The following TENM4 variants were observed in gnomAD, a reference collection of about 807,000 sequenced individuals.
The protein encoded by TENM4 is teneurin transmembrane protein 4.
In TENM4, 82 loss-of-function variants were observed where a neutral mutation model predicts 243.3. The observed-to-expected ratio is 0.34, with a 90% CI of 0.28 to 0.40. The LOEUF is 0.40. Among genes scored for constraint, TENM4 ranks in the 10% least tolerant of loss-of-function variants. TENM4 has a pLI of 1.00. For synonymous variants in TENM4, 1,412 were observed against 1,456.3 expected, an observed-to-expected ratio of 0.97 and a Z score of 0.69; for missense variants, 3,138 against 3,673.3, an observed-to-expected ratio of 0.85 and a Z score of 3.77.
intron 3 of TENM4, among the ~76,000 whole-genome samples, chr11:79,174,906 T>C (rs1386896366): frequency 2.0e-5 from 3 of 152,306 alleles, no homozygotes; most frequent in Middle Eastern, 3.4e-3. Flanking sequence ...GCTCATACTT[T>C]TAAAATAATC....
At chr11:79,291,330 C>G (rs2135381986) in intron 2 of TENM4, among the ~76,000 whole-genome samples, 1 of 152,296 alleles carries the variant, frequency 6.6e-6, no homozygotes, top group East Asian at 1.9e-4. Context: ...GCACGGTTTT[C>G]CTCTGTCCAA....
intron 6 of TENM4, among the ~76,000 whole-genome samples, chr11:78,912,454 A>G (rs113395391): frequency 0.01 from 1,535 of 152,256 alleles, 19 homozygotes; most frequent in African/African-American, 0.034. Context: ...ACTGGGTTTC[A>G]CCATGTTGGC....
At chr11:78,991,754 T>G (rs1193755860) in intron 6 of TENM4, among the ~76,000 whole-genome samples, 1 of 152,112 alleles carries the variant, frequency 6.6e-6, no homozygotes, top group Non-Finnish European at 1.5e-5. Flanking sequence ...CATGCTACTT[T>G]GGTAGGGAAT....
intron 6 of TENM4, among the ~76,000 whole-genome samples, chr11:78,988,177 C>T (rs1263719178): frequency 6.6e-6 from 1 of 152,178 alleles, no homozygotes; most frequent in African/African-American, 2.4e-5. Flanking sequence ...TGGAAGAAAC[C>T]AGCTGCCATG....
At chr11:79,144,493 G>A (rs1229264324) in intron 4 of TENM4, among the ~76,000 whole-genome samples, 5 of 152,036 alleles carry the variant, frequency 3.3e-5, no homozygotes, top group African/African-American at 9.7e-5. Context: ...GTGTATCGTG[G>A]CACTACTTAC....
intron 6 of TENM4, among the ~76,000 whole-genome samples, chr11:78,922,977 T>G (rs1856477341): frequency 2.0e-5 from 3 of 152,178 alleles, no homozygotes; most frequent in African/African-American, 7.2e-5. Flanking sequence ...CAAGCACTCC[T>G]TTCTCAAATG....
chr11:79,413,490 A>G (rs1236804659), intron 1 of TENM4, among the ~76,000 whole-genome samples: 5 of 152,222 alleles, frequency 3.3e-5, no homozygotes, highest in African/African-American at 1.2e-4. Context: ...GTCAGCAGAC[A>G]TGAGAGAGAA....
At chr11:78,711,574 A>G (rs1859397082) in intron 26 of TENM4, among the ~76,000 whole-genome samples, 1 of 152,220 alleles carries the variant, frequency 6.6e-6, no homozygotes, top group African/African-American at 2.4e-5. Flanking sequence ...ATTATTAAAC[A>G]TATTAATTTT....
chr11:78,806,835 C>A (rs1236983545), intron 14 of TENM4, among the ~76,000 whole-genome samples: 1 of 152,154 alleles, frequency 6.6e-6, no homozygotes, highest in Non-Finnish European at 1.5e-5. Flanking sequence ...AACTCTGCAC[C>A]CATTAAACAA....
intron 2 of TENM4, among the ~76,000 whole-genome samples, chr11:79,241,994 G>A (rs1486340576): frequency 6.6e-6 from 1 of 152,162 alleles, no homozygotes; most frequent in Non-Finnish European, 1.5e-5. Context: ...CAGCCATAAG[G>A]CAACCAGCCC....
chr11:79,427,985 C>T (rs1859090393), intron 1 of TENM4, among the ~76,000 whole-genome samples: 1 of 152,198 alleles, frequency 6.6e-6, no homozygotes, highest in African/African-American at 2.4e-5. Flanking sequence ...AGATTCCATT[C>T]ACTCAATGAC....
In TENM4 at chr11:79,180,784, G is replaced by T. The variant is rs537521984; in HGVS notation, c.-162-31978C>A. On this transcript the variant is annotated intron_variant, in intron 3 of 33. Coordinates refer to ENST00000278550, the MANE Select transcript of TENM4 (RefSeq NM_001098816.3). ...CCTTGAGCCTAAGAGCTCAAGACCA[G>T]CCTGGACAACAGAGTGAGACCACAT... Among the ~76,000 whole-genome samples, 4 of 151,384 alleles carry T rather than the reference G, an allele frequency of 2.6e-5. No homozygotes were observed. The South Asian group carries it at 8.4e-4, about 32-fold the overall frequency.
intron 3 of TENM4, among the ~76,000 whole-genome samples, chr11:79,189,499 G>T (rs914632613): frequency 6.6e-6 from 1 of 152,184 alleles, no homozygotes; most frequent in African/African-American, 2.4e-5. Context: ...CATACAGTAG[G>T]TGTTCATCAA....
chr11:79,399,875 T>C (rs1420994883), intron 1 of TENM4, among the ~76,000 whole-genome samples: 1 of 152,094 alleles, frequency 6.6e-6, no homozygotes, highest in East Asian at 1.9e-4. Context: ...TTAAGTGGAA[T>C]CATGTATATA....
intron 12 of TENM4, among the ~76,000 whole-genome samples, chr11:78,816,338 C>T (rs1857604197): frequency 6.6e-6 from 1 of 152,238 alleles, no homozygotes; most frequent in Admixed American, 6.5e-5. Flanking sequence ...ATGCTTTGGA[C>T]AGATCAACCT....
Position 78,848,383 on chromosome 11 carries a change from C to T in TENM4, c.1681+5721G>A, listed in dbSNP as rs372983696. 5.3e-5 allele frequency among the ~76,000 whole-genome samples: 8 copies of T among 152,254 alleles called. No homozygotes were observed. The South Asian group carries it at 1.2e-3, about 24-fold the overall frequency. ...ACTCATTTCTGCCCTTTAAGGCATCCTGGGCTCTAGTCAAACAGAACTGCT... is the reference window on the plus strand; with the variant it reads ...ACTCATTTCTGCCCTTTAAGGCATCTTGGGCTCTAGTCAAACAGAACTGCT... On this transcript the variant is annotated intron_variant, in intron 12 of 33. Coordinates refer to ENST00000278550, the MANE Select transcript of TENM4 (RefSeq NM_001098816.3).
chr11:79,396,804 C>A (rs1208125708), intron 1 of TENM4, among the ~76,000 whole-genome samples: 1 of 152,220 alleles, frequency 6.6e-6, no homozygotes, highest in Non-Finnish European at 1.5e-5. Context: ...CATTTAGTCT[C>A]TCAGGGGCAG....
intron 6 of TENM4, among the ~76,000 whole-genome samples, chr11:78,927,866 T>G (rs1247229976): frequency 6.6e-6 from 1 of 151,720 alleles, no homozygotes; most frequent in African/African-American, 2.4e-5. Context: ...TCTCTCTCTC[T>G]CTCTTTTAAT....
intron 1 of TENM4, among the ~76,000 whole-genome samples, chr11:79,362,898 T>TG: frequency 1.3e-5 from 2 of 152,346 alleles, no homozygotes; most frequent in South Asian, 2.1e-4. Flanking sequence ...TTTTCTGGTG[T>TG]GGCCCACCTT....
Sources: gnomAD v4.1 joint callset for allele counts (sites outside exome capture counted in the v4.1 genomes callset) on GRCh38, gnomAD v4.1.1 for gene constraint, MANE v1.5 for transcripts, NCBI Gene and HGNC (gene_info 2026-07-23, HGNC 2026-07-21) for gene names.